TRIM24: variants seen among roughly 807,000 people sequenced by gnomAD.
TRIM24 encodes the protein tripartite motif containing 24, also known as transcription intermediary factor 1-alpha.
A neutral mutation model predicts 123.9 loss-of-function variants in TRIM24; 29 were observed. That is an observed-to-expected ratio of 0.23 (90% CI 0.17 to 0.32). The LOEUF is 0.32. Among genes scored for constraint, TRIM24 ranks in the 10% least tolerant of loss-of-function variants. The pLI, the probability that TRIM24 is intolerant of heterozygous loss-of-function variation, is 1.00. For synonymous variants in TRIM24, 456 were observed against 461.1 expected (o/e 0.99, Z 0.14); for missense variants, 932 against 1,295.3 (o/e 0.72, Z 4.31).
At chr7:138,544,656 C>T (rs975958866) in intron 7 of TRIM24, among the ~76,000 whole-genome samples, 2 of 152,168 alleles carry the variant, frequency 1.3e-5, no homozygotes, top group African/African-American at 4.8e-5. Flanking sequence ...TCCTTTTATC[C>T]GCACCCTGGC....
intron 9 of TRIM24, among the ~76,000 whole-genome samples, chr7:138,555,865 G>T (rs1797306196): frequency 6.6e-6 from 1 of 152,114 alleles, no homozygotes; most frequent in Admixed American, 6.6e-5. Flanking sequence ...TAGGAGGGGG[G>T]CGGAAATCAC....
chr7:138,578,761 TATCTAC>T (rs1409239265), intron 14 of TRIM24, among the ~76,000 whole-genome samples: 1 of 152,192 alleles, frequency 6.6e-6, no homozygotes, highest in Non-Finnish European at 1.5e-5. Flanking sequence ...CTTTTAACTA[TATCTAC>T]ATTTATTACT....
intron 7 of TRIM24, among the ~76,000 whole-genome samples, chr7:138,550,676 A>G (rs1173004831): frequency 6.6e-6 from 1 of 152,218 alleles, no homozygotes; most frequent in Admixed American, 6.5e-5. Flanking sequence ...TTTCCTAAAC[A>G]GACGAATTTG....
At position 138,570,900 on chromosome 7, in the gene TRIM24, C is replaced by T. The variant is rs377565012; in HGVS notation, c.1775C>T (p.Thr592Met). 3.7e-6 allele frequency: 6 copies of T among 1,614,124 alleles called. No homozygotes were observed. Among genetic ancestry groups the T allele is most frequent in the East Asian group, 2.2e-5 (1 of 44,888 alleles). The change falls in exon 11 of 19, where the codon ACG (threonine) becomes ATG (methionine). Residue 592 changes from threonine to methionine, a missense_variant. Physicochemically the swap from Thr to Met is moderately conservative, Grantham distance 81 (BLOSUM62 -1). This residue lies in a region of TRIM24 where 527 missense variants were observed against 691.3 expected (regional missense o/e 0.76). Transcript: ENST00000343526. ...ACATCCTCTACTCCTTCCAGCCCCA[C>T]GATTACTAGTGCAGCAGGATATGAT... ...NSTSSTPSSPTITSAAGYDGK... is the reference protein window; with the variant it reads ...NSTSSTPSSPMITSAAGYDGK...
At chr7:138,573,938 G>A (rs986915510) in intron 12 of TRIM24, among the ~76,000 whole-genome samples, 3 of 152,064 alleles carry the variant, frequency 2.0e-5, no homozygotes, top group African/African-American at 7.3e-5. Context: ...AGCTGGGACT[G>A]TAAGTATGCT....
chr7:138,509,018 C>T (rs566649587), intron 2 of TRIM24, among the ~76,000 whole-genome samples: 6 of 151,958 alleles, frequency 3.9e-5, no homozygotes, highest in South Asian at 2.1e-4. Context: ...GCGTGATCTC[C>T]GCCCACTGCA....
intron 1 of TRIM24, among the ~76,000 whole-genome samples, chr7:138,484,001 A>G (rs1391676746): frequency 2.6e-5 from 4 of 152,306 alleles, no homozygotes; most frequent in Admixed American, 2.6e-4. Flanking sequence ...ACCAGAATCA[A>G]GGCAGTACAT....
At chr7:138,578,563 T>TGTGTGTGTGTGTGTGCGC (rs145011901) in intron 14 of TRIM24, among the ~76,000 whole-genome samples, 31 of 145,086 alleles carry the variant, frequency 2.1e-4, no homozygotes, top group African/African-American at 8.1e-4. Flanking sequence ...TGTGTGTGTG[T>TGTGTGTGTGTGTGTGCGC]GCGCGCACGC....
chr7:138,469,319 A>T (rs189199912), intron 1 of TRIM24, among the ~76,000 whole-genome samples: 93 of 147,618 alleles, frequency 6.3e-4, no homozygotes, highest in Admixed American at 2.0e-3. Context: ...TGTAACCTTG[A>T]CCCCTTTCTC....
At chr7:138,487,787 G>T (rs933690765) in intron 1 of TRIM24, among the ~76,000 whole-genome samples, 1 of 152,116 alleles carries the variant, frequency 6.6e-6, no homozygotes, top group African/African-American at 2.4e-5. Context: ...GTTCATCAGG[G>T]ATATTGGTCT....
chr7:138,463,040 T>G (rs557260282), intron 1 of TRIM24, among the ~76,000 whole-genome samples: 1 of 129,480 alleles, frequency 7.7e-6, no homozygotes, highest in African/African-American at 2.9e-5. Context: ...CGGCTAATTT[T>G]GTGTTTTTTT....
intron 10 of TRIM24, 133 bp downstream of exon 10, chr7:138,567,787 G>T: frequency 1.1e-6 from 1 of 943,556 alleles, no homozygotes; most frequent in Admixed American, 3.7e-5. Context: ...TTAAATAAAT[G>T]TGAATTGCAA....
chr7:138,504,511 G>A, intron 2 of TRIM24, 103 bp downstream of exon 2: 1 of 686,746 alleles, frequency 1.5e-6, no homozygotes, highest in East Asian at 3.2e-5. Flanking sequence ...CCAGGCAGGA[G>A]TTCACAAGTG....
intron 3 of TRIM24, among the ~76,000 whole-genome samples, chr7:138,515,836 CAT>C (rs1257442406): frequency 6.6e-6 from 1 of 152,164 alleles, no homozygotes; most frequent in Non-Finnish European, 1.5e-5. Flanking sequence ...ACAGTTCACT[CAT>C]ATGTTTTTTA....
intron 6 of TRIM24, among the ~76,000 whole-genome samples, chr7:138,530,251 C>A (rs1170463187): frequency 6.6e-6 from 1 of 151,640 alleles, no homozygotes; most frequent in Non-Finnish European, 1.5e-5. Context: ...AATTTAAGTA[C>A]AATTTTAAGT....
Position 138,585,702 on chromosome 7 carries a change from A to G in TRIM24, c.*751A>G, listed in dbSNP as rs1242545511. 3 of 414,592 alleles carry G rather than the reference A, an allele frequency of 7.2e-6. No homozygotes were observed. The allele number at this position is 414,592 out of a possible 1,614,324, so 25.7% of individuals were successfully genotyped here. Reference sequence around the variant, plus strand: ...TCTAGATTTTCAACTTCTTCCACTGAGGGAAGTATATACATTTGGGTTTGC... The same window carrying G: ...TCTAGATTTTCAACTTCTTCCACTGGGGGAAGTATATACATTTGGGTTTGC... On this transcript the variant is annotated 3_prime_UTR_variant, in exon 19 of 19. Coordinates refer to ENST00000343526, the MANE Select transcript of TRIM24 (RefSeq NM_015905.3).
chr7:138,474,374 C>G (rs943501481), intron 1 of TRIM24, among the ~76,000 whole-genome samples: 2 of 152,128 alleles, frequency 1.3e-5, no homozygotes, highest in Non-Finnish European at 2.9e-5. Flanking sequence ...ATCTACCCGC[C>G]TCAGCCTCCC....
chr7:138,483,323 G>C (rs750339243), intron 1 of TRIM24, among the ~76,000 whole-genome samples: 1 of 152,116 alleles, frequency 6.6e-6, no homozygotes, highest in South Asian at 2.1e-4. Context: ...GGCTTCTCTT[G>C]TATCTAATCA....
intron 1 of TRIM24, among the ~76,000 whole-genome samples, chr7:138,495,601 G>C (rs1795887781): frequency 6.6e-6 from 1 of 151,736 alleles, no homozygotes; most frequent in African/African-American, 2.4e-5. Flanking sequence ...TTTTAGGATG[G>C]TATATTTATT....
Sources: gnomAD v4.1 joint callset for allele counts (sites outside exome capture counted in the v4.1 genomes callset) on GRCh38, gnomAD v4.1.1 for gene constraint, gnomAD v4.1.1 regional missense constraint, MANE v1.5 for transcripts, NCBI Gene and HGNC (gene_info 2026-07-23, HGNC 2026-07-21) for gene names.